Variants in SUGCT observed in about 807,000 individuals in gnomAD.
The protein encoded by SUGCT is succinyl-CoA:glutarate CoA-transferase.
A neutral mutation model predicts 55.0 loss-of-function variants in SUGCT; 41 were observed. The observed-to-expected ratio is 0.74, with a 90% confidence interval of 0.58 to 0.97. The LOEUF (loss-of-function observed/expected upper bound fraction) is 0.97. SUGCT is among the 50% of genes least tolerant of loss of function. The probability of loss-of-function intolerance (pLI) is 0.00; values close to 1 mark genes in which losing one functional copy is unlikely to be tolerated. For synonymous variants in SUGCT, 187 were observed against 200.4 expected, an observed-to-expected ratio of 0.93 and a Z score of 0.56; for missense variants, 568 against 547.8, an observed-to-expected ratio of 1.04 and a Z score of -0.37.
rs60456660 is a variant in SUGCT at position 40,358,732 on chromosome 7, T to TAACAAC, written c.816+41894_816+41899dup. ...TCCATCTCAAAAACAACAACAACAA[T>TAACAAC]AACAACAACAACAACAACAACACTA... On this transcript the variant is annotated intron_variant, in intron 9 of 13. Coordinates refer to ENST00000335693, the MANE Select transcript of SUGCT (RefSeq NM_001193313.2). Among the ~76,000 whole-genome samples, 295 of 149,326 alleles carry TAACAAC rather than the reference T, an allele frequency of 2.0e-3. 12 individuals are homozygous for TAACAAC. The South Asian group carries it at 0.057, about 29-fold the overall frequency.
intron 13 of SUGCT, among the ~76,000 whole-genome samples, chr7:40,802,188 C>A (rs1790856692): frequency 6.6e-6 from 1 of 152,048 alleles, no homozygotes; most frequent in Non-Finnish European, 1.5e-5. Context: ...TTAGTCATTA[C>A]AAACTAGACC....
At chr7:40,308,713 A>G (rs1355958611) in intron 8 of SUGCT, among the ~76,000 whole-genome samples, 1 of 152,202 alleles carries the variant, frequency 6.6e-6, no homozygotes, top group Non-Finnish European at 1.5e-5. Context: ...CTCACTGCCT[A>G]GAAAGATTTC....
At chr7:40,341,669 G>A (rs1299870786) in intron 9 of SUGCT, among the ~76,000 whole-genome samples, 1 of 152,170 alleles carries the variant, frequency 6.6e-6, no homozygotes, top group Non-Finnish European at 1.5e-5. Context: ...CCAGTACTGT[G>A]AGAAGTGCTA....
intron 8 of SUGCT, among the ~76,000 whole-genome samples, chr7:40,289,347 A>G (rs1793576380): frequency 6.6e-6 from 1 of 152,192 alleles, no homozygotes; most frequent in Non-Finnish European, 1.5e-5. Flanking sequence ...ACCAAACCCT[A>G]TAAATACTGT....
At chr7:40,883,816 A>C in the SUGCT span, among the ~76,000 whole-genome samples, 10 of 152,194 alleles carry the variant, frequency 6.6e-5, 1 homozygote, top group Non-Finnish European at 1.5e-4. Flanking sequence ...TCTCAGTCCC[A>C]AAACATCAGT....
chr7:40,731,393 TC>T (rs1765459519), intron 12 of SUGCT, among the ~76,000 whole-genome samples: 1 of 152,192 alleles, frequency 6.6e-6, no homozygotes, highest in Admixed American at 6.5e-5. Flanking sequence ...TTAGATAAGA[TC>T]AGGATCCTTT....
At chr7:40,809,671 T>C (rs927735332) in intron 13 of SUGCT, among the ~76,000 whole-genome samples, 2 of 152,078 alleles carry the variant, frequency 1.3e-5, no homozygotes, top group Non-Finnish European at 2.9e-5. Context: ...ATGTGCAGGT[T>C]TGTTATCTGG....
chr7:40,875,794 G>A, the SUGCT span, among the ~76,000 whole-genome samples: 1 of 152,232 alleles, frequency 6.6e-6, no homozygotes, highest in Admixed American at 6.5e-5. Context: ...TCTCCCTGCA[G>A]TGATTATTTT....
chr7:40,187,570 A>T (rs904872266), intron 3 of SUGCT, among the ~76,000 whole-genome samples: 3 of 152,180 alleles, frequency 2.0e-5, no homozygotes, highest in Non-Finnish European at 4.4e-5. Flanking sequence ...CCCCAGTTAG[A>T]TCAGGAAAGC....
intron 9 of SUGCT, among the ~76,000 whole-genome samples, chr7:40,390,640 A>G (rs1300388569): frequency 2.0e-5 from 3 of 152,212 alleles, no homozygotes; most frequent in African/African-American, 7.2e-5. Flanking sequence ...AAAATGACAC[A>G]AACAAATGGA....
chr7:40,672,740 C>T (rs541970965), intron 12 of SUGCT, among the ~76,000 whole-genome samples: 2 of 152,202 alleles, frequency 1.3e-5, no homozygotes, highest in South Asian at 2.1e-4. Context: ...ATGGTTATGT[C>T]GGAGCTCTGT....
chr7:40,897,919 A>G, the SUGCT span, among the ~76,000 whole-genome samples: 1 of 116,668 alleles, frequency 8.6e-6, no homozygotes, highest in Non-Finnish European at 2.1e-5. Flanking sequence ...TGTAAAATGA[A>G]CCAATCAGCG....
chr7:40,777,554 A>G (rs1251146251), intron 13 of SUGCT, among the ~76,000 whole-genome samples: 1 of 152,102 alleles, frequency 6.6e-6, no homozygotes, highest in Non-Finnish European at 1.5e-5. Context: ...TGGAAGAAGA[A>G]TGTCCAAATT....
chr7:41,034,957 G>A, the SUGCT span, among the ~76,000 whole-genome samples: 5 of 152,174 alleles, frequency 3.3e-5, no homozygotes, highest in South Asian at 1.0e-3. Flanking sequence ...CTCAGCATGG[G>A]CTGGCTGGAC....
rs938947481 is a variant in SUGCT at position 40,757,994 on chromosome 7, A to G, written c.1153+8497A>G. ...GACATGTAAACTGATTAGAGAAGTA[A>G]AAACAAATATCTTACAATAGCTAAA... On this transcript the variant is annotated intron_variant, in intron 13 of 13. Transcript: ENST00000335693. 2.0e-5 allele frequency among the ~76,000 whole-genome samples: 3 copies of G among 152,200 alleles called. No homozygotes were observed. In the South Asian group the frequency reaches 6.2e-4, roughly 32 times the overall value.
At chr7:40,634,714 A>G (rs113948229) in intron 12 of SUGCT, among the ~76,000 whole-genome samples, 2 of 152,376 alleles carry the variant, frequency 1.3e-5, no homozygotes, top group African/African-American at 4.8e-5. Context: ...GGAAGCATTA[A>G]CACCTAAGGA....
intron 13 of SUGCT, among the ~76,000 whole-genome samples, chr7:40,844,269 C>A (rs561281970): frequency 6.6e-6 from 1 of 152,238 alleles, no homozygotes; most frequent in Non-Finnish European, 1.5e-5. Flanking sequence ...GGGTGACAGC[C>A]TTTTACACCC....
chr7:40,670,480 A>T (rs1352735531), intron 12 of SUGCT, among the ~76,000 whole-genome samples: 1 of 152,144 alleles, frequency 6.6e-6, no homozygotes, highest in Non-Finnish European at 1.5e-5. Context: ...ATTACTACAG[A>T]CCTTGCAGAC....
chr7:40,308,571 C>G (rs1584640245), intron 8 of SUGCT, among the ~76,000 whole-genome samples: 3 of 152,246 alleles, frequency 2.0e-5, no homozygotes, highest in Admixed American at 2.0e-4. Flanking sequence ...TGATATGGCC[C>G]TTTTACACTT....
Sources: allele counts gnomAD v4.1 joint callset (sites outside exome capture counted in the v4.1 genomes callset), GRCh38; gene constraint gnomAD v4.1.1; transcripts MANE v1.5; gene names NCBI Gene and HGNC (gene_info 2026-07-23, HGNC 2026-07-21).